The following TANGO6 variants were observed in gnomAD, a reference collection of about 807,000 sequenced individuals.
TANGO6 encodes the protein transport and Golgi organization protein 6 homolog.
Under a neutral mutation model 114.2 loss-of-function variants are expected in TANGO6, and 90 were observed. That is an observed-to-expected ratio of 0.79 (90% confidence interval 0.66 to 0.94). The LOEUF (loss-of-function observed/expected upper bound fraction) is 0.94, where lower values mean the gene tolerates loss of function less well. TANGO6 is among the 40% of genes least tolerant of loss of function. The pLI is 0.00. For missense variants in TANGO6, 1,274 were observed against 1,315.3 expected, an observed-to-expected ratio of 0.97 and a Z score of 0.49; for synonymous variants, 477 against 509.8, an observed-to-expected ratio of 0.94 and a Z score of 0.87.
rs570920727 is a variant in TANGO6 at position 68,895,745 on chromosome 16, T to C, written c.1378-4689T>C. Among the ~76,000 whole-genome samples, 95 of 152,340 alleles carry C rather than the reference T, an allele frequency of 6.2e-4. No individual in the cohort carries two copies. In the South Asian group the frequency reaches 0.012, roughly 20 times the overall value. On this transcript the variant is annotated intron_variant, in intron 7 of 17. Transcript: ENST00000261778. ...GATCAATTTAATAAGTACCATTGCA[T>C]ATCTTTCATCTCCAAAATCAATCTG...
At chr16:68,971,989 A>G (rs567300391) in intron 14 of TANGO6, among the ~76,000 whole-genome samples, 72 of 152,188 alleles carry the variant, frequency 4.7e-4, no homozygotes, top group Middle Eastern at 6.8e-3. Context: ...TGAACCTCCA[A>G]GGACTTCTTC....
At chr16:68,972,484 A>T (rs191131468) in intron 14 of TANGO6, among the ~76,000 whole-genome samples, 1 of 152,176 alleles carries the variant, frequency 6.6e-6, no homozygotes, top group Non-Finnish European at 1.5e-5. Flanking sequence ...TCAAGCATTT[A>T]TATTACTTCT....
intron 4 of TANGO6, among the ~76,000 whole-genome samples, chr16:68,871,002 G>A (rs530839338): frequency 6.6e-4 from 100 of 151,062 alleles, no homozygotes; most frequent in Admixed American, 1.2e-3. Flanking sequence ...CGTTGGCCAG[G>A]CTGGTCTTGA....
At chr16:69,047,288 A>G (rs527728308) in intron 17 of TANGO6, among the ~76,000 whole-genome samples, 1 of 152,148 alleles carries the variant, frequency 6.6e-6, no homozygotes, top group African/African-American at 2.4e-5. Context: ...TGAGGTCAGG[A>G]GTTCGAGACC....
intron 3 of TANGO6, among the ~76,000 whole-genome samples, chr16:68,864,607 G>A (rs144900982): frequency 6.8e-4 from 104 of 152,086 alleles, no homozygotes; most frequent in Middle Eastern, 6.8e-3. Context: ...GAAAAAGAGC[G>A]AGAAGCCAAA....
At chr16:68,958,106 G>T (rs1963551561) in intron 14 of TANGO6, among the ~76,000 whole-genome samples, 1 of 151,462 alleles carries the variant, frequency 6.6e-6, no homozygotes, top group Non-Finnish European at 1.5e-5. Flanking sequence ...GGGAGGCAAA[G>T]GTTGTAGCGA....
chr16:68,919,137 A>T lies in TANGO6; in HGVS notation c.2045A>T (p.His682Leu). Residue 682 changes from histidine (H) to leucine (L), a missense_variant, in exon 12 of 18, where the codon CAT (histidine) becomes CTT (leucine). His to Leu is a moderately conservative substitution (Grantham distance 99). Around this residue, in one of 5 missense-constraint regions of TANGO6, gnomAD observed 908 missense variants for 910.2 expected, o/e 1.00. Coordinates refer to ENST00000261778, the MANE Select transcript of TANGO6 (RefSeq NM_024562.2). ...TLQRACASLA[H>L]QAESTVESQT... is the part of the protein sequence containing the mutation. ...CAGAGAGCCTGTGCAAGCCTGGCCCATCAGGCAGAGAGCACCGTGGAATCA... is the reference window on the plus strand; with the variant it reads ...CAGAGAGCCTGTGCAAGCCTGGCCCTTCAGGCAGAGAGCACCGTGGAATCA... 1 of 1,613,170 alleles carries T rather than the reference A, an allele frequency of 6.2e-7. No individual in the cohort carries two copies. The highest frequency in any genetic ancestry group is 8.5e-7 in the Non-Finnish European group (1 of 1,179,660).
At chr16:69,063,224 A>G (rs1407673843) in intron 17 of TANGO6, among the ~76,000 whole-genome samples, 2 of 23,060 alleles carry the variant, frequency 8.7e-5, no homozygotes, top group Admixed American at 6.2e-4. Flanking sequence ...CTTCGTCTGA[A>G]AAAAAAAAAA....
At chr16:68,866,812 C>T (rs2152161597) in intron 3 of TANGO6, among the ~76,000 whole-genome samples, 1 of 152,068 alleles carries the variant, frequency 6.6e-6, no homozygotes, top group East Asian at 1.9e-4. Flanking sequence ...TGGCACGTGC[C>T]TGTAATCTCA....
At position 68,880,575 on chromosome 16, in the gene TANGO6, G is replaced by C. The variant is rs1404533964; in HGVS notation, c.1322G>C (p.Gly441Ala). The change falls in exon 7 of 18, where the codon GGA becomes GCA. Residue 441 changes from glycine (G) to alanine (A), a missense_variant. Gly to Ala is a moderately conservative substitution (Grantham distance 60, BLOSUM62 0). Coordinates refer to ENST00000261778, the MANE Select transcript of TANGO6 (RefSeq NM_024562.2). ...AELSESDMVP[G>A]TILVTEEELS... is the part of the protein sequence containing the mutation. ...CTTTCAGAGAGTGACATGGTACCAGGAACTATTTTGGTGACAGAAGAAGAA... is the reference window on the plus strand; with the variant it reads ...CTTTCAGAGAGTGACATGGTACCAGCAACTATTTTGGTGACAGAAGAAGAA... 1.9e-6 allele frequency: 3 copies of C among 1,612,600 alleles called. No homozygotes were observed. Among genetic ancestry groups the C allele is most frequent in the African/African-American group, 1.3e-5 (1 of 74,878 alleles).
At chr16:68,957,065 C>G (rs1467815750) in intron 14 of TANGO6, among the ~76,000 whole-genome samples, 1 of 151,998 alleles carries the variant, frequency 6.6e-6, no homozygotes, top group African/African-American at 2.4e-5. Flanking sequence ...TCCTAGACCT[C>G]GAAGAATCCT....
At chr16:69,076,676 A>G (rs994233114) in intron 17 of TANGO6, among the ~76,000 whole-genome samples, 6 of 152,084 alleles carry the variant, frequency 3.9e-5, no homozygotes, top group African/African-American at 1.2e-4. Context: ...CCATTTGCCC[A>G]CTCTTAAATG....
intron 7 of TANGO6, among the ~76,000 whole-genome samples, chr16:68,891,902 G>C (rs1413819666): frequency 1.4e-5 from 2 of 141,468 alleles, no homozygotes; most frequent in East Asian, 4.4e-4. Context: ...GAGGGAGGGA[G>C]AGAGGAAGGA....
Position 68,943,855 on chromosome 16 carries a change from G to A in TANGO6, c.2701+13560G>A, listed in dbSNP as rs184782733. Reference sequence around the variant, plus strand: ...TTTTAAAATATCTGCTAGTTTTTACGTGTTTTTTACTTAAATTGTCAGCAT... The same window carrying A: ...TTTTAAAATATCTGCTAGTTTTTACATGTTTTTTACTTAAATTGTCAGCAT... On this transcript the variant is annotated intron_variant, in intron 14 of 17. Coordinates refer to ENST00000261778, the MANE Select transcript of TANGO6 (RefSeq NM_024562.2). 5.3e-4 allele frequency among the ~76,000 whole-genome samples: 80 copies of A among 152,202 alleles called. No individual in the cohort carries two copies. In the East Asian group the frequency reaches 0.014, roughly 28 times the overall value.
Position 68,867,090 on chromosome 16 carries a change from T to C in TANGO6, c.864T>C (p.Asp288=). 6.2e-7 allele frequency: 1 copy of C among 1,612,064 alleles called. No individual in the cohort carries two copies. Among genetic ancestry groups the C allele is most frequent in the South Asian group, 1.1e-5 (1 of 91,048 alleles). Residue 288 remains aspartate, a synonymous_variant, in exon 4 of 18, where the codon GAT becomes GAC. Coordinates refer to ENST00000261778, the MANE Select transcript of TANGO6 (RefSeq NM_024562.2). ...LQGGPPQSCT[D]VKTQMRCRAP... is the part of the protein sequence containing the mutation. ...CTTCTTTTTCTCAGTCCTGCACAGA[T>C]GTGAAGACACAGATGAGGTGTCGGG...
At position 68,860,358 on chromosome 16, in the gene TANGO6, A is replaced by C; in HGVS notation, c.569A>C (p.Asp190Ala). ...GTGGTGTGTTTTGATGCTGCCCCCGATGCAACTCGAAGACTGTACACCAGC... is the reference window on the plus strand; with the variant it reads ...GTGGTGTGTTTTGATGCTGCCCCCGCTGCAACTCGAAGACTGTACACCAGC... ...QDVVCFDAAP[D>A]ATRRLYTSCK... is the part of the protein sequence containing the mutation. The change falls in exon 2 of 18, where the codon GAT becomes GCT. Residue 190 changes from aspartate (D) to alanine (A), a missense_variant. Around this residue, in one of 5 missense-constraint regions of TANGO6, gnomAD observed 908 missense variants for 910.2 expected, o/e 1.00. Coordinates refer to ENST00000261778, the MANE Select transcript of TANGO6 (RefSeq NM_024562.2). The C allele has an allele frequency of 6.2e-7, 1 of 1,613,932 alleles. No individual in the cohort carries two copies.
At chr16:69,014,935 C>T (rs995682466) in intron 15 of TANGO6, among the ~76,000 whole-genome samples, 2 of 151,802 alleles carry the variant, frequency 1.3e-5, no homozygotes, top group Non-Finnish European at 2.9e-5. Flanking sequence ...CAAAGAACCT[C>T]TTATGTAGGA....
chr16:68,924,651 A>G (rs1963143093), intron 12 of TANGO6, among the ~76,000 whole-genome samples: 1 of 151,698 alleles, frequency 6.6e-6, no homozygotes, highest in South Asian at 2.1e-4. Context: ...TTAGCCGGGT[A>G]TGGTGGCGGG....
chr16:69,069,942 C>T (rs1960271233), intron 17 of TANGO6, among the ~76,000 whole-genome samples: 4 of 151,476 alleles, frequency 2.6e-5, no homozygotes, highest in Admixed American at 2.6e-4. Context: ...CACGGTGGCT[C>T]ATGCCTGTAA....
Sources: allele counts gnomAD v4.1 joint callset (sites outside exome capture counted in the v4.1 genomes callset), GRCh38; gene constraint gnomAD v4.1.1; regional missense constraint gnomAD v4.1.1; transcripts MANE v1.5; gene names NCBI Gene and HGNC (gene_info 2026-07-23, HGNC 2026-07-21).